Variants in SPPL3 observed in about 807,000 individuals in gnomAD.
The protein encoded by SPPL3 is signal peptide peptidase-like 3.
SPPL3 carries 5 observed loss-of-function variants against 42.4 expected under a neutral mutation model. The observed-to-expected ratio is 0.12, with a 90% CI of 0.06 to 0.25. SPPL3 has a LOEUF of 0.25. SPPL3 is among the 10% of genes least tolerant of loss of function. The pLI, the probability that SPPL3 is intolerant of heterozygous loss-of-function variation, is 1.00. For missense variants in SPPL3, 235 were observed against 489.0 expected, an observed-to-expected ratio of 0.48 and a Z score of 4.90; for synonymous variants, 195 against 181.8, an observed-to-expected ratio of 1.07 and a Z score of -0.58.
chr12:120,842,283 C>T (rs955452918), intron 1 of SPPL3, among the ~76,000 whole-genome samples: 7 of 152,052 alleles, frequency 4.6e-5, no homozygotes, highest in Admixed American at 1.3e-4. Context: ...ATAATGGCAA[C>T]GAGCACCACA....
chr12:120,841,725 T>G (rs1020370666), intron 1 of SPPL3, among the ~76,000 whole-genome samples: 4 of 152,168 alleles, frequency 2.6e-5, no homozygotes, highest in African/African-American at 9.7e-5. Context: ...AAAACAAGTA[T>G]CCCTTGTTAT....
intron 1 of SPPL3, among the ~76,000 whole-genome samples, chr12:120,885,849 CTTTTTTTTTTTTT>C (rs142907503): frequency 1.6e-5 from 2 of 121,620 alleles, no homozygotes; most frequent in African/African-American, 6.3e-5. Flanking sequence ...AACATTAAAA[CTTTTTTTTTTTTT>C]TTTTTTTTTG....
chr12:120,901,900 C>T, intron 1 of SPPL3: 1 of 985,380 alleles, frequency 1.0e-6, no homozygotes, highest in Non-Finnish European at 1.2e-6. Flanking sequence ...TTTCATTTTC[C>T]CCATTTCTTG....
rs749736683 is a variant in SPPL3 at position 120,782,671 on chromosome 12, A to G, written c.486T>C (p.His162=). 5.8e-5 allele frequency: 93 copies of G among 1,610,468 alleles called. No homozygotes were observed. Among genetic ancestry groups the G allele is most frequent in the Non-Finnish European group, 7.6e-5 (90 of 1,177,956 alleles). Residue 162 remains histidine (H), a synonymous_variant, in exon 6 of 11, where the codon CAT becomes CAC. Coordinates refer to ENST00000353487, the MANE Select transcript of SPPL3 (RefSeq NM_139015.5). ...MLVLIWVLTG[H]WLLMDALAMG... ...GTCACTCACCATCCATGAGAAGCCAATGGCCAGTGAGAACCCAGATGAGGA... is the reference window on the plus strand; with the variant it reads ...GTCACTCACCATCCATGAGAAGCCAGTGGCCAGTGAGAACCCAGATGAGGA...
intron 1 of SPPL3, among the ~76,000 whole-genome samples, chr12:120,875,785 A>G (rs1225498145): frequency 6.6e-6 from 1 of 152,226 alleles, no homozygotes. Flanking sequence ...TAAATGATAC[A>G]CCTAGTCTAA....
chr12:120,903,975 TGCTC>T lies in SPPL3; in HGVS notation c.-112_-109del. The T allele has an allele frequency of 6.2e-6, 6 of 969,484 alleles. No individual in the cohort carries two copies. Among genetic ancestry groups the T allele is most frequent in the Non-Finnish European group, 6.7e-6 (5 of 748,594 alleles). 60.1% of individuals were successfully genotyped at this position (969,484 alleles called of 1,614,324 possible). ...GGCCGGGGTCCGGTGCTTGCTTGCT[TGCTC>T]GCTCGCTGGCTCGCTGGCTGCACGG... On this transcript the variant is annotated 5_prime_UTR_variant, in exon 1 of 11. Coordinates refer to ENST00000353487, the MANE Select transcript of SPPL3 (RefSeq NM_139015.5).
At chr12:120,850,507 AAAAAAAC>A (rs1300313763) in intron 1 of SPPL3, among the ~76,000 whole-genome samples, 1 of 150,650 alleles carries the variant, frequency 6.6e-6, no homozygotes, top group Admixed American at 6.6e-5. Flanking sequence ...AAAAAAAAAA[AAAAAAAC>A]AAAAGCCAAA....
intron 1 of SPPL3, among the ~76,000 whole-genome samples, chr12:120,854,455 CT>C (rs1197838547): frequency 6.6e-6 from 1 of 152,116 alleles, no homozygotes; most frequent in African/African-American, 2.4e-5. Context: ...CAGCACAGGT[CT>C]TTTTTCTTTT....
intron 1 of SPPL3, among the ~76,000 whole-genome samples, chr12:120,826,165 T>A (rs1044593880): frequency 4.0e-5 from 6 of 151,736 alleles, no homozygotes; most frequent in Non-Finnish European, 7.4e-5. Context: ...TGGTGGCACA[T>A]GTCTGTAATC....
chr12:120,768,411 G>A lies in SPPL3; in HGVS notation c.687C>T (p.Asp229=), dbSNP rs748925348. The change falls in exon 8 of 11, where the codon GAC becomes GAT. Residue 229 remains aspartate, a synonymous_variant. Transcript: ENST00000353487. The part of the protein sequence containing the change: ...VATQPADNPL[D]VLSRKLHLGP... ...CCAGGTGGAGCTTCCGGGATAGAAC[G>A]TCAAGGGGATTGTCAGCCGGCTGAG... 42 of 1,614,210 alleles carry A rather than the reference G, an allele frequency of 2.6e-5. No individual in the cohort carries two copies. The highest frequency in any genetic ancestry group is 1.8e-4 in the Admixed American group (11 of 60,030).
At chr12:120,886,300 A>AT (rs1873459809) in intron 1 of SPPL3, among the ~76,000 whole-genome samples, 1 of 152,146 alleles carries the variant, frequency 6.6e-6, no homozygotes, top group Non-Finnish European at 1.5e-5. Context: ...CTCTAACACT[A>AT]TAAACTTCTG....
At chr12:120,797,181 A>G (rs940950341) in intron 2 of SPPL3, among the ~76,000 whole-genome samples, 14 of 152,132 alleles carry the variant, frequency 9.2e-5, no homozygotes, top group African/African-American at 3.4e-4. Flanking sequence ...CAAACAAACA[A>G]AAAACAACAA....
intron 1 of SPPL3, among the ~76,000 whole-genome samples, chr12:120,849,738 T>C (rs1030963095): frequency 1.3e-5 from 2 of 152,188 alleles, no homozygotes; most frequent in African/African-American, 4.8e-5. Context: ...GAAAATCCTA[T>C]TTATCCGAGA....
At chr12:120,867,333 T>C (rs1459757687) in intron 1 of SPPL3, among the ~76,000 whole-genome samples, 1 of 152,160 alleles carries the variant, frequency 6.6e-6, no homozygotes, top group Non-Finnish European at 1.5e-5. Context: ...ACTTGGTGAA[T>C]TTCTTTTGAC....
At chr12:120,857,641 A>G (rs1046935492) in intron 1 of SPPL3, among the ~76,000 whole-genome samples, 1 of 152,256 alleles carries the variant, frequency 6.6e-6, no homozygotes, top group Non-Finnish European at 1.5e-5. Flanking sequence ...GCAGCCATAA[A>G]AAGAAATTAG....
At chr12:120,899,591 T>C (rs1344682662) in intron 1 of SPPL3, among the ~76,000 whole-genome samples, 1 of 152,024 alleles carries the variant, frequency 6.6e-6, no homozygotes, top group Non-Finnish European at 1.5e-5. Context: ...GAACTGTAAG[T>C]ATTAAAAATA....
intron 1 of SPPL3, among the ~76,000 whole-genome samples, chr12:120,834,244 T>C (rs1347629844): frequency 1.3e-5 from 2 of 152,240 alleles, no homozygotes; most frequent in African/African-American, 2.4e-5. Context: ...TTTTTACTCC[T>C]TGTAGCTGCC....
At chr12:120,888,800 TG>T (rs1459452625) in intron 1 of SPPL3, among the ~76,000 whole-genome samples, 1 of 152,162 alleles carries the variant, frequency 6.6e-6, no homozygotes, top group Non-Finnish European at 1.5e-5. Flanking sequence ...GTACAGTATG[TG>T]AATTATATCT....
At chr12:120,795,513 C>G (rs1870067955) in intron 2 of SPPL3, among the ~76,000 whole-genome samples, 1 of 152,152 alleles carries the variant, frequency 6.6e-6, no homozygotes, top group African/African-American at 2.4e-5. Flanking sequence ...CTTACAGTGA[C>G]AGTTTTTTTC....
Sources: gnomAD v4.1 joint callset for allele counts (sites outside exome capture counted in the v4.1 genomes callset) on GRCh38, gnomAD v4.1.1 for gene constraint, MANE v1.5 for transcripts, NCBI Gene and HGNC (gene_info 2026-07-23, HGNC 2026-07-21) for gene names.